LTBP1: variants seen among roughly 807,000 people sequenced by gnomAD.
The protein encoded by LTBP1 is latent transforming growth factor beta binding protein 1, also known as latent-transforming growth factor beta-binding protein 1.
LTBP1 carries 129 observed loss-of-function variants against 207.6 expected under a neutral mutation model. The ratio of observed to expected loss-of-function variants is 0.62; its 90% CI spans 0.54 to 0.72. LTBP1 has a LOEUF of 0.72. Ranked by LOEUF, LTBP1 falls within the 30% of genes least tolerant of loss-of-function variation. LTBP1 has a pLI of 0.00. For synonymous variants in LTBP1, 963 were observed against 833.7 expected (o/e 1.16, Z -2.67); for missense variants, 2,281 against 2,217.2 (o/e 1.03, Z -0.58).
At chr2:33,311,054 A>G (rs911618522) in intron 23 of LTBP1, among the ~76,000 whole-genome samples, 15 of 152,204 alleles carry the variant, frequency 9.9e-5, no homozygotes, top group African/African-American at 3.6e-4. Flanking sequence ...CTGGATTGCC[A>G]TAAGTTATAT....
chr2:33,257,725 A>T (rs901872964), intron 12 of LTBP1, among the ~76,000 whole-genome samples: 1 of 152,238 alleles, frequency 6.6e-6, no homozygotes, highest in African/African-American at 2.4e-5. Flanking sequence ...ACAATATTCC[A>T]TGCTAATTTT....
intron 33 of LTBP1, among the ~76,000 whole-genome samples, chr2:33,397,506 C>CTTTTTTTTT (rs35219261): frequency 1.9e-4 from 21 of 112,106 alleles, no homozygotes; most frequent in South Asian, 5.9e-4. Flanking sequence ...TACCACAATT[C>CTTTTTTTTT]TTTTTTTTTT....
At chr2:33,042,605 A>T (rs1369489261) in intron 3 of LTBP1, among the ~76,000 whole-genome samples, 1 of 152,210 alleles carries the variant, frequency 6.6e-6, no homozygotes, top group African/African-American at 2.4e-5. Flanking sequence ...AGCAAAAAAC[A>T]CTGCAAGGCC....
At position 33,347,136 on chromosome 2, in the gene LTBP1, A is replaced by AAC. The variant is rs1263323144; in HGVS notation, c.3857-230_3857-229insCA. On this transcript the variant is annotated intron_variant, in intron 25 of 33. Coordinates refer to ENST00000404816, the MANE Select transcript of LTBP1 (RefSeq NM_206943.4). ...CCGTCTCAAAAAAAAAAAAAAAAAA[A>AAC]AAAAACCTAAATTCGGAATTGTCTT... Among the ~76,000 whole-genome samples the AAC allele has an allele frequency of 2.0e-5, 3 of 151,998 alleles. No homozygotes were observed. In the East Asian group the frequency reaches 5.8e-4, roughly 29 times the overall value.
At chr2:33,372,226 T>C (rs1393197863) in intron 31 of LTBP1, among the ~76,000 whole-genome samples, 1 of 152,194 alleles carries the variant, frequency 6.6e-6, no homozygotes, top group African/African-American at 2.4e-5. Context: ...CGTTCTAACC[T>C]CTTCAGTGTT....
intron 23 of LTBP1, among the ~76,000 whole-genome samples, chr2:33,310,596 G>T (rs1235587788): frequency 6.6e-6 from 1 of 152,126 alleles, no homozygotes; most frequent in African/African-American, 2.4e-5. Context: ...GTAAAGTTGA[G>T]ATTTGAACCC....
intron 5 of LTBP1, among the ~76,000 whole-genome samples, chr2:33,156,825 C>G (rs1390973283): frequency 6.6e-6 from 1 of 151,914 alleles, no homozygotes; most frequent in Non-Finnish European, 1.5e-5. Flanking sequence ...GATAGCATTG[C>G]CTAGTACTTC....
chr2:33,269,966 T>C (rs2093278594), intron 15 of LTBP1, among the ~76,000 whole-genome samples: 1 of 25,798 alleles, frequency 3.9e-5, no homozygotes, highest in Admixed American at 3.6e-4. Flanking sequence ...GATATTCAAC[T>C]TTTTTTTTTT....
At position 33,104,571 on chromosome 2, in the gene LTBP1, C is replaced by T. The variant is rs115683615; in HGVS notation, c.864-6011C>T. 8.0e-3 allele frequency among the ~76,000 whole-genome samples: 1,213 copies of T among 152,300 alleles called. 11 individuals carry two copies. Among genetic ancestry groups the T allele is most frequent in the Middle Eastern group, 0.01 (3 of 294 alleles). ...CCTCCTAGAAACTTTCTTCCACTTA[C>T]CATTTTTGAACTGACTCGATCCTTG... is the stretch of plus-strand genomic sequence containing the variant. On this transcript the variant is annotated intron_variant, in intron 3 of 33. Coordinates refer to ENST00000404816, the MANE Select transcript of LTBP1 (RefSeq NM_206943.4).
chr2:32,994,010 T>TGTC (rs1684860280), intron 2 of LTBP1, among the ~76,000 whole-genome samples: 1 of 55,134 alleles, frequency 1.8e-5, no homozygotes, highest in Non-Finnish European at 4.8e-5. Flanking sequence ...GTGTGTGTGT[T>TGTC]GGGGGTTATT....
chr2:33,243,859 C>T (rs2092420966), intron 10 of LTBP1, 75 bp downstream of exon 10: 1 of 1,518,674 alleles, frequency 6.6e-7, no homozygotes, highest in Non-Finnish European at 9.1e-7. Flanking sequence ...CGGAAATACT[C>T]AGTGGCCAAC....
chr2:33,251,704 G>A (rs1178481274), intron 10 of LTBP1, among the ~76,000 whole-genome samples: 1 of 151,744 alleles, frequency 6.6e-6, no homozygotes, highest in African/African-American at 2.4e-5. Context: ...AGAGGAATTG[G>A]GTAAGGGAAA....
At chr2:33,373,863 T>C (rs2095102806) in intron 31 of LTBP1, among the ~76,000 whole-genome samples, 1 of 152,356 alleles carries the variant, frequency 6.6e-6, no homozygotes, top group African/African-American at 2.4e-5. Context: ...ATTTTAAATC[T>C]GCAAATGATA....
chr2:33,025,279 G>T (rs547411037), intron 3 of LTBP1, among the ~76,000 whole-genome samples: 2 of 152,100 alleles, frequency 1.3e-5, no homozygotes, highest in African/African-American at 4.8e-5. Context: ...CAAAGAATTC[G>T]TGGACATATT....
intron 16 of LTBP1, 92 bp from the exon 17 acceptor site, chr2:33,274,873 C>A: frequency 7.9e-7 from 1 of 1,273,590 alleles, no homozygotes; most frequent in Non-Finnish European, 1.1e-6. Flanking sequence ...TTGGGTGGTA[C>A]CCAGGGAATA....
At chr2:33,045,890 T>C (rs2076417159) in intron 3 of LTBP1, among the ~76,000 whole-genome samples, 1 of 152,146 alleles carries the variant, frequency 6.6e-6, no homozygotes, top group Non-Finnish European at 1.5e-5. Context: ...TGAATGGGAG[T>C]TCACTCATGA....
chr2:33,266,715 G>A (rs79257768), intron 15 of LTBP1, among the ~76,000 whole-genome samples: 23 of 151,954 alleles, frequency 1.5e-4, no homozygotes, highest in African/African-American at 4.1e-4. Flanking sequence ...TCAGGATGAC[G>A]TGCCCGCAGA....
In LTBP1 at chr2:32,947,331, G is replaced by C. The variant is rs975849219; in HGVS notation, c.7G>C (p.Gly3Arg). ...GCGCCCGCTGGGGCCCGCGATGGCGGGGGCCTGGCTCAGGTGGGGGCTCCT... is the reference window on the plus strand; with the variant it reads ...GCGCCCGCTGGGGCCCGCGATGGCGCGGGCCTGGCTCAGGTGGGGGCTCCT... MA[G>R]AWLRWGLLLW... Residue 3 changes from glycine (G) to arginine (R), a missense_variant, in exon 1 of 34, where the codon GGG (glycine) becomes CGG (arginine). Physicochemically the swap from Gly to Arg is moderately radical, Grantham distance 125. Around this residue, in one of 3 missense-constraint regions of LTBP1, gnomAD observed 555 missense variants for 491.0 expected, o/e 1.13. Coordinates refer to ENST00000404816, the MANE Select transcript of LTBP1 (RefSeq NM_206943.4). 8.1e-7 allele frequency: 1 copy of C among 1,239,102 alleles called. No individual in the cohort carries two copies. Among genetic ancestry groups the C allele is most frequent in the African/African-American group, 1.6e-5 (1 of 63,708 alleles). 76.8% of individuals were successfully genotyped at this position (1,239,102 alleles called of 1,614,324 possible). A position where few individuals can be genotyped will look rare whatever the true frequency, so the allele number is the denominator to read the frequency against.
chr2:33,380,275 A>G (rs1348165493), intron 31 of LTBP1, among the ~76,000 whole-genome samples: 2 of 152,210 alleles, frequency 1.3e-5, no homozygotes, highest in African/African-American at 2.4e-5. Flanking sequence ...GCAGCCCATG[A>G]TAAGAATGTT....
Sources: gnomAD v4.1 joint callset for allele counts (sites outside exome capture counted in the v4.1 genomes callset) on GRCh38, gnomAD v4.1.1 for gene constraint, gnomAD v4.1.1 regional missense constraint, MANE v1.5 for transcripts, NCBI Gene and HGNC (gene_info 2026-07-23, HGNC 2026-07-21) for gene names.